Variants in ZNF583 observed in about 807,000 individuals in gnomAD.
ZNF583 encodes the protein zinc finger protein 583.
A neutral mutation model predicts 55.3 loss-of-function variants in ZNF583; 30 were observed. The observed-to-expected ratio is 0.54, with a 90% CI of 0.41 to 0.74. ZNF583 has a LOEUF of 0.74. ZNF583 is among the 30% of genes least tolerant of loss of function. The probability of loss-of-function intolerance (pLI) is 0.00; values close to 1 mark genes in which losing one functional copy is unlikely to be tolerated. For synonymous variants in ZNF583, 208 were observed against 220.0 expected (o/e 0.95, Z 0.48); for missense variants, 504 against 664.7 (o/e 0.76, Z 2.66).
At chr19:56,421,082 G>A (rs541221994) in intron 4 of ZNF583, among the ~76,000 whole-genome samples, 9 of 152,068 alleles carry the variant, frequency 5.9e-5, no homozygotes, top group South Asian at 4.1e-4. Flanking sequence ...TCAAAATGTC[G>A]TCTTGAGACC....
intron 4 of ZNF583, among the ~76,000 whole-genome samples, chr19:56,417,460 TGCATATAACTTTTATGAAA>T (rs1031851169): frequency 6.6e-6 from 1 of 152,220 alleles, no homozygotes; most frequent in Non-Finnish European, 1.5e-5. Context: ...TTACTGGCCA[TGCATATAACTTTTATGAAA>T]ACTTTGTTCA....
intron 4 of ZNF583, among the ~76,000 whole-genome samples, chr19:56,417,570 A>G (rs757354694): frequency 1.3e-5 from 2 of 152,134 alleles, no homozygotes; most frequent in Non-Finnish European, 2.9e-5. Flanking sequence ...CAAGTTCTTT[A>G]TCATTTATAT....
chr19:56,423,666 T>C lies in ZNF583; in HGVS notation c.1008T>C (p.Gly336=), dbSNP rs749922101. 1.9e-6 allele frequency: 3 copies of C among 1,613,754 alleles called. No homozygotes were observed. The South Asian group carries it at 3.3e-5, about 18-fold the overall frequency. ...CIECGKAFSN[G]SFLAQHQRIH... ...AATGTGGAAAGGCCTTTAGTAATGG[T>C]TCATTTCTTGCTCAGCATCAGAGAA... The change falls in exon 5 of 5, where the codon GGT becomes GGC. Residue 336 remains glycine (G), a synonymous_variant. Transcript: ENST00000333201.
At chr19:56,415,588 A>T (rs898642274) in intron 4 of ZNF583, among the ~76,000 whole-genome samples, 1 of 152,076 alleles carries the variant, frequency 6.6e-6, no homozygotes, top group Admixed American at 6.6e-5. Flanking sequence ...ATATATATAT[A>T]TTTTTAGATG....
intron 1 of ZNF583, among the ~76,000 whole-genome samples, chr19:56,405,539 GA>G (rs981396566): frequency 6.6e-6 from 1 of 152,050 alleles, no homozygotes; most frequent in Non-Finnish European, 1.5e-5. Context: ...AGATAAAGGG[GA>G]AAAGATGGAG....
Position 56,426,227 on chromosome 19 carries a change from G to C in ZNF583, c.*1859G>C, listed in dbSNP as rs2042491425. The C allele has an allele frequency of 6.6e-6, 1 of 152,150 alleles. No individual in the cohort carries two copies. Among genetic ancestry groups the C allele is most frequent in the Non-Finnish European group, 1.5e-5 (1 of 68,020 alleles). The allele number at this position is 152,150 out of a possible 1,614,324, so 9.4% of individuals were successfully genotyped here. On this transcript the variant is annotated 3_prime_UTR_variant, in exon 5 of 5. Coordinates refer to ENST00000333201, the MANE Select transcript of ZNF583 (RefSeq NM_152478.3). ...ATAACAAAAGTGACCTATACCATCA[G>C]TGGTTTAACAGTTTTGGAAAAATTT...
At chr19:56,409,156 T>C (rs1600353887) in intron 2 of ZNF583, among the ~76,000 whole-genome samples, 1 of 152,350 alleles carries the variant, frequency 6.6e-6, no homozygotes, top group East Asian at 1.9e-4. Context: ...CTACCTGACA[T>C]GTATGACCTT....
At chr19:56,421,534 C>T in intron 4 of ZNF583, 2 of 980,058 alleles carry the variant, frequency 2.0e-6, no homozygotes, top group East Asian at 1.1e-4. Context: ...AAGTATGTTG[C>T]CTTCAGATTC....
intron 4 of ZNF583, 86 bp downstream of exon 4, chr19:56,414,526 T>G: frequency 8.0e-7 from 1 of 1,250,472 alleles, no homozygotes; most frequent in East Asian, 2.3e-5. Context: ...AATTGACGTT[T>G]CCTGGGTAGC....
chr19:56,412,623 C>T (rs547401199), intron 2 of ZNF583, among the ~76,000 whole-genome samples: 2 of 152,304 alleles, frequency 1.3e-5, no homozygotes, highest in South Asian at 4.1e-4. Flanking sequence ...AAGTTACCAA[C>T]TATCTTTACA....
intron 3 of ZNF583, 108 bp from the exon 4 acceptor site, chr19:56,414,237 A>T: frequency 6.6e-7 from 1 of 1,506,258 alleles, no homozygotes. Context: ...CATCTTCCCC[A>T]TTCTTATTCC....
At chr19:56,405,159 T>C (rs1015198992) in intron 1 of ZNF583, among the ~76,000 whole-genome samples, 35 of 152,258 alleles carry the variant, frequency 2.3e-4, no homozygotes, top group African/African-American at 8.2e-4. Context: ...TGTCACTGTA[T>C]GTGAAACTGT....
At chr19:56,416,587 C>T (rs4801318) in intron 4 of ZNF583, among the ~76,000 whole-genome samples, 127,531 of 150,216 alleles carry the variant, frequency 0.85, 54,477 homozygotes, top group African/African-American at 0.95. Context: ...TTAAGGACTA[C>T]GAATTTTCCT....
At chr19:56,416,882 C>T (rs1007069408) in intron 4 of ZNF583, among the ~76,000 whole-genome samples, 2 of 152,078 alleles carry the variant, frequency 1.3e-5, no homozygotes, top group Admixed American at 6.6e-5. Flanking sequence ...CAAAAGATTG[C>T]GTGTGTCTCT....
chr19:56,407,158 C>A, intron 2 of ZNF583, 35 bp downstream of exon 2: 1 of 1,612,434 alleles, frequency 6.2e-7, no homozygotes, highest in Non-Finnish European at 8.5e-7. Flanking sequence ...CCCTAAAATG[C>A]CATCTTATTT....
chr19:56,421,050 G>A (rs1403196635), intron 4 of ZNF583, among the ~76,000 whole-genome samples: 1 of 151,916 alleles, frequency 6.6e-6, no homozygotes, highest in East Asian at 1.9e-4. Flanking sequence ...TGCTTCCAGT[G>A]GGTGCTATAG....
chr19:56,424,109 G>T lies in ZNF583; in HGVS notation c.1451G>T (p.Arg484Ile). Reference protein sequence around the residue: ...SQNAGLAQHQRIHTGEKPYEC... With the variant: ...SQNAGLAQHQIIHTGEKPYEC... Reference sequence around the variant, plus strand: ...AATGCAGGCCTTGCTCAACATCAGAGAATTCATACTGGAGAGAAACCTTAT... The same window carrying T: ...AATGCAGGCCTTGCTCAACATCAGATAATTCATACTGGAGAGAAACCTTAT... Residue 484 changes from arginine to isoleucine, a missense_variant, in exon 5 of 5, where the codon AGA becomes ATA. This residue lies in a region of ZNF583 where 237 missense variants were observed against 373.0 expected (regional missense o/e 0.64). Coordinates refer to ENST00000333201, the MANE Select transcript of ZNF583 (RefSeq NM_152478.3). 2 of 1,614,102 alleles carry T rather than the reference G, an allele frequency of 1.2e-6. No homozygotes were observed. The highest frequency in any genetic ancestry group is 1.1e-5 in the South Asian group (1 of 91,076).
chr19:56,418,509 T>TGAC (rs1457147614), intron 4 of ZNF583, among the ~76,000 whole-genome samples: 4 of 152,194 alleles, frequency 2.6e-5, no homozygotes, highest in Admixed American at 1.3e-4. Flanking sequence ...TCTGTAATAG[T>TGAC]TTTTTGAGTG....
intron 4 of ZNF583, among the ~76,000 whole-genome samples, chr19:56,416,049 C>G (rs369661643): frequency 8.6e-5 from 13 of 150,998 alleles, no homozygotes; most frequent in Non-Finnish European, 1.3e-4. Context: ...ATATATTGGT[C>G]GGGCGTGGTG....
Sources: gnomAD v4.1 joint callset for allele counts (sites outside exome capture counted in the v4.1 genomes callset) on GRCh38, gnomAD v4.1.1 for gene constraint, gnomAD v4.1.1 regional missense constraint, MANE v1.5 for transcripts, NCBI Gene and HGNC (gene_info 2026-07-23, HGNC 2026-07-21) for gene names.